DCDC1: variants seen among roughly 807,000 people sequenced by gnomAD.
DCDC1 encodes the protein doublecortin domain-containing protein 1.
In DCDC1, 200 loss-of-function variants were observed where a neutral mutation model predicts 178.3. The observed-to-expected ratio is 1.12, with a 90% CI of 1.00 to 1.26. The LOEUF (loss-of-function observed/expected upper bound fraction) is 1.26, where lower values mean the gene tolerates loss of function less well. Ranked by LOEUF, DCDC1 falls within the 50% of genes most tolerant of loss-of-function variation. DCDC1 has a pLI of 0.00. For missense variants in DCDC1, 1,983 were observed against 1,749.2 expected, an observed-to-expected ratio of 1.13 and a Z score of -2.38; for synonymous variants, 690 against 604.8, an observed-to-expected ratio of 1.14 and a Z score of -2.07.
chr11:31,140,887 C>T (rs534756204), intron 9 of DCDC1, among the ~76,000 whole-genome samples: 18 of 152,174 alleles, frequency 1.2e-4, no homozygotes, highest in Admixed American at 7.9e-4. Flanking sequence ...AGGCACTGTG[C>T]CCTCTCCAAA....
intron 31 of DCDC1, chr11:30,904,490 G>A (rs982071566): frequency 5.9e-6 from 1 of 170,448 alleles, no homozygotes; most frequent in East Asian, 1.5e-4. Flanking sequence ...GGCAGACCAG[G>A]TAGTTCCTCC....
intron 38 of DCDC1, 113 bp downstream of exon 38, chr11:30,878,431 G>A (rs554815242): frequency 4.5e-5 from 47 of 1,035,582 alleles, no homozygotes; most frequent in Non-Finnish European, 6.1e-5. Flanking sequence ...TCCAGCCTGG[G>A]TGACAGAGCA....
chr11:31,239,276 G>T (rs1426313116), intron 9 of DCDC1, among the ~76,000 whole-genome samples: 1 of 151,996 alleles, frequency 6.6e-6, no homozygotes, highest in Non-Finnish European at 1.5e-5. Context: ...AATGAAGTAA[G>T]TGTAGTTGAA....
intron 20 of DCDC1, among the ~76,000 whole-genome samples, chr11:30,999,741 G>C (rs1467334159): frequency 2.0e-5 from 3 of 152,014 alleles, no homozygotes; most frequent in African/African-American, 7.3e-5. Flanking sequence ...GAGTGAGAAA[G>C]GGGAGAGCTT....
intron 34 of DCDC1, among the ~76,000 whole-genome samples, chr11:30,895,835 T>C (rs949815573): frequency 1.3e-5 from 2 of 152,210 alleles, no homozygotes; most frequent in Non-Finnish European, 2.9e-5. Context: ...ACTCTATTTA[T>C]AGAGTGCAGA....
intron 9 of DCDC1, among the ~76,000 whole-genome samples, chr11:31,161,031 A>T (rs1264483416): frequency 6.6e-6 from 1 of 152,208 alleles, no homozygotes; most frequent in East Asian, 1.9e-4. Context: ...AATTCATTAT[A>T]ACATTGCAGG....
intron 15 of DCDC1, among the ~76,000 whole-genome samples, chr11:31,095,267 T>C (rs1400495900): frequency 6.6e-6 from 1 of 152,156 alleles, no homozygotes; most frequent in African/African-American, 2.4e-5. Context: ...TGTTTCTTTA[T>C]AGTAGAATGA....
At chr11:30,872,358 T>A (rs1389101187) in intron 38 of DCDC1, among the ~76,000 whole-genome samples, 1 of 152,182 alleles carries the variant, frequency 6.6e-6, no homozygotes, top group Non-Finnish European at 1.5e-5. Flanking sequence ...ACACACAGGA[T>A]ATGGAGACCT....
intron 38 of DCDC1, among the ~76,000 whole-genome samples, chr11:30,866,302 G>C (rs11031230): frequency 7.9e-5 from 12 of 152,122 alleles, no homozygotes; most frequent in Non-Finnish European, 1.5e-4. Flanking sequence ...CTGGAGGCTG[G>C]GAAGTCTATG....
rs1008488807 is a variant in DCDC1 at position 31,219,938 on chromosome 11, C to T, written c.1221+21512G>A. Reference sequence around the variant, plus strand: ...CTAAGACCTCAGAGCTGGTTAAACACGAAAGCCTGGACTTGACCTGAAGCA... The same window carrying T: ...CTAAGACCTCAGAGCTGGTTAAACATGAAAGCCTGGACTTGACCTGAAGCA... On this transcript the variant is annotated intron_variant, in intron 9 of 38. Coordinates refer to ENST00000684477, the MANE Select transcript of DCDC1 (RefSeq NM_001387274.1). 6.6e-5 allele frequency among the ~76,000 whole-genome samples: 10 copies of T among 152,202 alleles called. No individual in the cohort carries two copies. The East Asian group carries it at 1.2e-3, about 18-fold the overall frequency.
At chr11:31,181,214 G>T (rs1968757778) in intron 9 of DCDC1, among the ~76,000 whole-genome samples, 1 of 152,218 alleles carries the variant, frequency 6.6e-6, no homozygotes, top group Admixed American at 6.5e-5. Context: ...AGCAGCTCCA[G>T]TCAGGGGCTT....
At chr11:30,980,674 G>T (rs562000044) in intron 20 of DCDC1, among the ~76,000 whole-genome samples, 1 of 151,894 alleles carries the variant, frequency 6.6e-6, no homozygotes, top group Non-Finnish European at 1.5e-5. Context: ...ATAAATAGGT[G>T]GATCAATAAA....
intron 1 of DCDC1, among the ~76,000 whole-genome samples, chr11:31,353,599 T>G (rs1951181433): frequency 6.6e-6 from 1 of 152,182 alleles, no homozygotes; most frequent in South Asian, 2.1e-4. Context: ...CAAAACCAAC[T>G]GTTGGTTACA....
chr11:31,138,851 T>C (rs1169717203), intron 9 of DCDC1, among the ~76,000 whole-genome samples: 8 of 152,182 alleles, frequency 5.3e-5, no homozygotes, highest in South Asian at 2.1e-4. Flanking sequence ...AGAATAATAG[T>C]ATTAAACCTG....
chr11:31,158,040 A>G (rs1433811715), intron 9 of DCDC1, among the ~76,000 whole-genome samples: 1 of 152,158 alleles, frequency 6.6e-6, no homozygotes, highest in Non-Finnish European at 1.5e-5. Flanking sequence ...ATTTTTTGCA[A>G]TGAGAACACC....
At chr11:30,974,363 G>A (rs1413805597) in intron 20 of DCDC1, among the ~76,000 whole-genome samples, 3 of 149,746 alleles carry the variant, frequency 2.0e-5, no homozygotes, top group Admixed American at 6.6e-5. Flanking sequence ...ATTAGTAGAA[G>A]GAAAGAAATA....
At chr11:30,913,225 G>A (rs1945577264) in intron 27 of DCDC1, among the ~76,000 whole-genome samples, 1 of 152,012 alleles carries the variant, frequency 6.6e-6, no homozygotes, top group Admixed American at 6.6e-5. Context: ...ATCAGACCAC[G>A]ATGAAACCCT....
rs142079473 is a variant in DCDC1 at position 31,274,242 on chromosome 11, T to A, written c.961-8642A>T. 2.1e-4 allele frequency among the ~76,000 whole-genome samples: 32 copies of A among 152,334 alleles called. No individual in the cohort carries two copies. The East Asian group carries it at 5.4e-3, about 26-fold the overall frequency. ...GCAATCTAAATGGTACCCCAACATT[T>A]CATCTTCCATTTACATACCGACAAC... is the stretch of plus-strand genomic sequence containing the variant. On this transcript the variant is annotated intron_variant, in intron 7 of 38. Transcript: ENST00000684477.
chr11:31,067,213 T>C (rs940212457), intron 18 of DCDC1, among the ~76,000 whole-genome samples: 1 of 152,000 alleles, frequency 6.6e-6, no homozygotes, highest in African/African-American at 2.4e-5. Context: ...GGGATGTGTA[T>C]CTGGAATATA....
Sources: gnomAD v4.1 joint callset for allele counts (sites outside exome capture counted in the v4.1 genomes callset) on GRCh38, gnomAD v4.1.1 for gene constraint, MANE v1.5 for transcripts, NCBI Gene and HGNC (gene_info 2026-07-23, HGNC 2026-07-21) for gene names.